The following RCBTB1 variants were observed in gnomAD, a reference collection of about 807,000 sequenced individuals.
RCBTB1 encodes the protein RCC1 and BTB domain containing protein 1.
RCBTB1 carries 46 observed loss-of-function variants against 62.4 expected under a neutral mutation model. The observed-to-expected ratio is 0.74, with a 90% CI of 0.58 to 0.94. RCBTB1 has a LOEUF of 0.94. Among genes scored for constraint, RCBTB1 ranks in the 40% least tolerant of loss-of-function variants. RCBTB1 has a pLI of 0.00. For synonymous variants in RCBTB1, 222 were observed against 245.8 expected, an observed-to-expected ratio of 0.90 and a Z score of 0.91; for missense variants, 565 against 654.9, an observed-to-expected ratio of 0.86 and a Z score of 1.50.
chr13:49,574,126 G>C (rs1391019673), intron 2 of RCBTB1, among the ~76,000 whole-genome samples: 1 of 145,520 alleles, frequency 6.9e-6, no homozygotes, highest in East Asian at 2.0e-4. Context: ...TCTTTTTTTG[G>C]GGGTGGGGGG....
At chr13:49,565,511 G>A (rs1462854474) in intron 4 of RCBTB1, among the ~76,000 whole-genome samples, 2 of 147,688 alleles carry the variant, frequency 1.4e-5, no homozygotes, top group Non-Finnish European at 3.0e-5. Context: ...CTGCCCGGCT[G>A]CCCAGTCTGG....
intron 2 of RCBTB1, among the ~76,000 whole-genome samples, chr13:49,578,940 G>T (rs1259926296): frequency 1.3e-5 from 2 of 152,046 alleles, no homozygotes; most frequent in African/African-American, 4.8e-5. Context: ...TACGGTTTGG[G>T]GTAAACTTTG....
At chr13:49,582,257 C>G (rs1389864878) in intron 1 of RCBTB1, among the ~76,000 whole-genome samples, 1 of 152,078 alleles carries the variant, frequency 6.6e-6, no homozygotes, top group African/African-American at 2.4e-5. Context: ...GAGGCCGAGG[C>G]AGGTGGATCA....
intron 2 of RCBTB1, among the ~76,000 whole-genome samples, chr13:49,575,302 T>C (rs935430397): frequency 1.6e-4 from 24 of 152,238 alleles, no homozygotes; most frequent in Non-Finnish European, 3.2e-4. Flanking sequence ...ACACTGTTAG[T>C]GGGAATGTAA....
intron 5 of RCBTB1, among the ~76,000 whole-genome samples, chr13:49,556,565 A>G (rs1961902341): frequency 6.9e-6 from 1 of 144,500 alleles, no homozygotes; most frequent in African/African-American, 2.8e-5. Context: ...TAGAGGAAAT[A>G]ATTTCCTCCA....
chr13:49,534,552 T>C (rs1207736510), intron 12 of RCBTB1, among the ~76,000 whole-genome samples: 1 of 152,010 alleles, frequency 6.6e-6, no homozygotes, highest in East Asian at 1.9e-4. Context: ...AGGGAAAGAA[T>C]TTCCTGCACG....
At chr13:49,578,824 T>A (rs75601296) in intron 2 of RCBTB1, among the ~76,000 whole-genome samples, 12,197 of 152,258 alleles carry the variant, frequency 0.08, 761 homozygotes, top group East Asian at 0.33. Context: ...GCCTTCTTCC[T>A]TTTTTAGCAA....
chr13:49,537,719 GT>G (rs756627995), intron 12 of RCBTB1, among the ~76,000 whole-genome samples: 7 of 152,164 alleles, frequency 4.6e-5, no homozygotes, highest in South Asian at 4.1e-4. Flanking sequence ...TTGAAACAAT[GT>G]TTTATCCACA....
intron 4 of RCBTB1, among the ~76,000 whole-genome samples, chr13:49,561,353 CATGTGG>C (rs1312235077): frequency 6.6e-6 from 1 of 152,196 alleles, no homozygotes; most frequent in Non-Finnish European, 1.5e-5. Flanking sequence ...TTCCAGGTGA[CATGTGG>C]CTCACAAGAG....
At chr13:49,583,902 G>A (rs1041277696) in intron 1 of RCBTB1, among the ~76,000 whole-genome samples, 4 of 152,162 alleles carry the variant, frequency 2.6e-5, no homozygotes, top group Admixed American at 2.0e-4. Context: ...AAATGTGTCC[G>A]AATGCCCTGC....
At chr13:49,535,813 A>G (rs1319786630) in intron 12 of RCBTB1, among the ~76,000 whole-genome samples, 1 of 152,148 alleles carries the variant, frequency 6.6e-6, no homozygotes, top group Non-Finnish European at 1.5e-5. Context: ...TCACGAGGTC[A>G]GGAGTTTGAG....
chr13:49,568,296 G>A (rs1385398129), intron 2 of RCBTB1, among the ~76,000 whole-genome samples: 1 of 152,176 alleles, frequency 6.6e-6, no homozygotes, highest in Admixed American at 6.5e-5. Flanking sequence ...ATTTTCTACT[G>A]AGAGACATTT....
chr13:49,541,595 C>A, intron 11 of RCBTB1, 81 bp downstream of exon 11: 1 of 1,359,610 alleles, frequency 7.4e-7, no homozygotes, highest in Admixed American at 2.6e-5. Flanking sequence ...ACACCTGAAG[C>A]TTTTTACATT....
At chr13:49,583,592 G>A (rs189213636) in intron 1 of RCBTB1, among the ~76,000 whole-genome samples, 311 of 152,112 alleles carry the variant, frequency 2.0e-3, no homozygotes, top group African/African-American at 6.9e-3. Context: ...TGTCGCCCAG[G>A]CTGGAGTGCA....
At chr13:49,535,251 A>G (rs564989288) in intron 12 of RCBTB1, among the ~76,000 whole-genome samples, 1 of 152,318 alleles carries the variant, frequency 6.6e-6, no homozygotes, top group Middle Eastern at 3.4e-3. Flanking sequence ...GGGGTAAACC[A>G]GAACCATTTC....
At chr13:49,579,690 G>A (rs1365061525) in intron 2 of RCBTB1, among the ~76,000 whole-genome samples, 1 of 151,884 alleles carries the variant, frequency 6.6e-6, no homozygotes, top group Non-Finnish European at 1.5e-5. Context: ...AGGAGTCTGA[G>A]AATGTAGCCT....
At chr13:49,546,018 G>T in intron 9 of RCBTB1, 1 of 877,664 alleles carries the variant, frequency 1.1e-6, no homozygotes, top group Non-Finnish European at 1.4e-6. Flanking sequence ...ACAGAGGAAA[G>T]GTAGAAAACC....
chr13:49,564,630 G>A (rs1444081176), intron 4 of RCBTB1, among the ~76,000 whole-genome samples: 7 of 139,498 alleles, frequency 5.0e-5, no homozygotes, highest in South Asian at 2.3e-4. Flanking sequence ...GGTGGCTCAC[G>A]CCTGTAATCC....
intron 4 of RCBTB1, among the ~76,000 whole-genome samples, chr13:49,564,427 G>C (rs1215509479): frequency 6.7e-6 from 1 of 149,090 alleles, no homozygotes; most frequent in Admixed American, 6.7e-5. Context: ...TCTACTAAAA[G>C]TACAAAAATT....
Sources: gnomAD v4.1 joint callset for allele counts (sites outside exome capture counted in the v4.1 genomes callset) on GRCh38, gnomAD v4.1.1 for gene constraint, MANE v1.5 for transcripts, NCBI Gene and HGNC (gene_info 2026-07-23, HGNC 2026-07-21) for gene names.